The following SPARCL1 variants were observed in gnomAD, a reference collection of about 807,000 sequenced individuals.
SPARCL1 encodes SPARC like 1.
A neutral mutation model predicts 67.1 loss-of-function variants in SPARCL1; 52 were observed. That is an observed-to-expected ratio of 0.78 (90% CI 0.62 to 0.98). The LOEUF is 0.98. SPARCL1 is among the 50% of genes least tolerant of loss of function. The probability of loss-of-function intolerance (pLI) is 0.00; values close to 1 mark genes in which losing one functional copy is unlikely to be tolerated. For synonymous variants in SPARCL1, 226 were observed against 267.8 expected, an observed-to-expected ratio of 0.84 and a Z score of 1.52; for missense variants, 717 against 782.4, an observed-to-expected ratio of 0.92 and a Z score of 1.00.
chr4:87,485,788 T>C (rs1348261934), intron 7 of SPARCL1, among the ~76,000 whole-genome samples: 1 of 152,174 alleles, frequency 6.6e-6, no homozygotes, highest in African/African-American at 2.4e-5. Flanking sequence ...CCTGATTTAG[T>C]CTTGGGAGGG....
At chr4:87,485,368 G>T (rs576480460) in intron 7 of SPARCL1, among the ~76,000 whole-genome samples, 2 of 151,910 alleles carry the variant, frequency 1.3e-5, no homozygotes, top group Non-Finnish European at 2.9e-5. Flanking sequence ...TGGCTTACAC[G>T]CATTGATTTG....
At chr4:87,493,403 T>A (rs1724436149) in intron 4 of SPARCL1, among the ~76,000 whole-genome samples, 179 bp downstream of exon 4, 1 of 152,216 alleles carries the variant, frequency 6.6e-6, no homozygotes, top group East Asian at 1.9e-4. Context: ...GGAACTCAAA[T>A]AAAACAGGCA....
chr4:87,501,204 C>T (rs4693165), intron 1 of SPARCL1, among the ~76,000 whole-genome samples: 38,415 of 151,936 alleles, frequency 0.25, 5,710 homozygotes, highest in East Asian at 0.59. Flanking sequence ...TTCTTGCTTC[C>T]TTTGGACTGG....
intron 7 of SPARCL1, among the ~76,000 whole-genome samples, chr4:87,485,360 G>A (rs1724006210): frequency 6.6e-6 from 1 of 152,050 alleles, no homozygotes; most frequent in African/African-American, 2.4e-5. Flanking sequence ...TTATGTGATG[G>A]CTTACACGCA....
At chr4:87,492,136 G>GA (rs1189483860) in intron 4 of SPARCL1, among the ~76,000 whole-genome samples, 16 of 151,306 alleles carry the variant, frequency 1.1e-4, no homozygotes, top group Non-Finnish European at 1.9e-4. Context: ...AAACAAAACA[G>GA]AAAAAAAAGA....
At position 87,486,888 on chromosome 4, in the gene SPARCL1, C is replaced by CTTTTTTTTTTTTTTTTTTTTTTTTTTTT. The variant is rs57597004; in HGVS notation, c.1531+3357_1531+3384dup. Among the ~76,000 whole-genome samples, 9 of 28,000 alleles carry CTTTTTTTTTTTTTTTTTTTTTTTTTTTT rather than the reference C, an allele frequency of 3.2e-4. 1 individual carries two copies. Among genetic ancestry groups the CTTTTTTTTTTTTTTTTTTTTTTTTTTTT allele is most frequent in the Non-Finnish European group, 4.9e-4 (7 of 14,154 alleles). 18.4% of individuals were successfully genotyped at this position (28,000 alleles called of 152,430 possible). On this transcript the variant is annotated intron_variant, in intron 7 of 10. Transcript: ENST00000282470. Reference sequence around the variant, plus strand: ...TCTGAGGCTAGTATTGCAATTCCTGCTTTTTTTTTTTTTTTTTTTTTTTTT... The same window carrying CTTTTTTTTTTTTTTTTTTTTTTTTTTTT: ...TCTGAGGCTAGTATTGCAATTCCTGCTTTTTTTTTTTTTTTTTTTTTTTTTTTTTTTTTTTTTTTTTTTTTTTTTTTTT...
At position 87,486,888 on chromosome 4, in the gene SPARCL1, CTTTTTTTTTTTTTTTTTTTTTTTTTTTT is replaced by C. The variant is rs57597004; in HGVS notation, c.1531+3357_1531+3384del. On this transcript the variant is annotated intron_variant, in intron 7 of 10. Transcript: ENST00000282470. ...TCTGAGGCTAGTATTGCAATTCCTG[CTTTTTTTTTTTTTTTTTTTTTTTTTTTT>C]TTTTTTTTTTTTTGCTTTCCAATTC... Among the ~76,000 whole-genome samples the C allele has an allele frequency of 2.5e-4, 7 of 28,000 alleles. No homozygotes were observed. In the East Asian group the frequency reaches 4.5e-3, roughly 18 times the overall value. The allele number at this position is 28,000 out of a possible 152,430, so 18.4% of individuals were successfully genotyped here. A position where few individuals can be genotyped will look rare whatever the true frequency, so the allele number is the denominator to read the frequency against.
chr4:87,479,603 A>G (rs1723724717), intron 9 of SPARCL1, 25 bp from the exon 10 acceptor site: 1 of 1,610,342 alleles, frequency 6.2e-7, no homozygotes, highest in Non-Finnish European at 8.5e-7. Context: ...ATGGCATCCT[A>G]TTAATTGAGT....
chr4:87,512,164 C>T (rs1725391871), intron 1 of SPARCL1, among the ~76,000 whole-genome samples: 2 of 151,960 alleles, frequency 1.3e-5, no homozygotes, highest in African/African-American at 2.4e-5. Context: ...ATGGGGGTTT[C>T]ACCATGTTGG....
chr4:87,510,657 A>G (rs1725309261), intron 1 of SPARCL1, among the ~76,000 whole-genome samples: 1 of 152,048 alleles, frequency 6.6e-6, no homozygotes, highest in African/African-American at 2.4e-5. Context: ...AAAATTCTCC[A>G]CATTCGCCAT....
At chr4:87,497,297 A>G (rs773645389) in intron 2 of SPARCL1, 5 of 856,728 alleles carry the variant, frequency 5.8e-6, no homozygotes, top group East Asian at 1.2e-4. Flanking sequence ...AAGGGGGAAA[A>G]GGAGAAAGAA....
intron 7 of SPARCL1, among the ~76,000 whole-genome samples, chr4:87,489,541 C>G (rs1724222012): frequency 6.6e-6 from 1 of 152,216 alleles, no homozygotes; most frequent in Non-Finnish European, 1.5e-5. Flanking sequence ...GCCATCTTGC[C>G]AGCCACCAAT....
intron 1 of SPARCL1, among the ~76,000 whole-genome samples, chr4:87,526,785 T>C (rs1468491270): frequency 2.6e-5 from 4 of 152,224 alleles, no homozygotes; most frequent in Non-Finnish European, 5.9e-5. Context: ...GGAGTTTCAA[T>C]AGGGACATAT....
chr4:87,484,758 T>C (rs1723982535), intron 7 of SPARCL1, among the ~76,000 whole-genome samples: 1 of 152,206 alleles, frequency 6.6e-6, no homozygotes, highest in African/African-American at 2.4e-5. Flanking sequence ...TGGTTTGTAG[T>C]TCTCCTTGAA....
Position 87,493,806 on chromosome 4 carries a change from G to A in SPARCL1, c.994C>T (p.Pro332Ser). ...MEPTDDGNTT[P>S]RNHGVDDDGD... ...TCATCATCAACTCCATGATTTCTGGGCGTGGTATTACCATCATCAGTAGGT... is the reference window on the plus strand; with the variant it reads ...TCATCATCAACTCCATGATTTCTGGACGTGGTATTACCATCATCAGTAGGT... The change falls in exon 4 of 11, where the codon CCC becomes TCC. Residue 332 changes from proline (P) to serine (S), a missense_variant. By Grantham distance (74) the Pro-to-Ser change is moderately conservative. Transcript: ENST00000282470. 3 of 1,614,046 alleles carry A rather than the reference G, an allele frequency of 1.9e-6. No homozygotes were observed. The highest frequency in any genetic ancestry group is 2.5e-6 in the Non-Finnish European group (3 of 1,180,000).
At chr4:87,492,959 G>C (rs1433658808) in intron 4 of SPARCL1, among the ~76,000 whole-genome samples, 1 of 152,202 alleles carries the variant, frequency 6.6e-6, no homozygotes, top group Non-Finnish European at 1.5e-5. Flanking sequence ...TGTTATGTCA[G>C]AGACATTTTG....
At chr4:87,523,086 C>G (rs961752330) in intron 1 of SPARCL1, among the ~76,000 whole-genome samples, 1 of 152,034 alleles carries the variant, frequency 6.6e-6, no homozygotes, top group African/African-American at 2.4e-5. Context: ...ATGGCAAAAC[C>G]CTGTCTCTAC....
chr4:87,483,963 T>C (rs532533259), intron 7 of SPARCL1, among the ~76,000 whole-genome samples: 2 of 152,308 alleles, frequency 1.3e-5, no homozygotes, highest in African/African-American at 4.8e-5. Context: ...TATCTGTTCC[T>C]TGTAGATTCT....
chr4:87,515,222 A>G (rs564793605), intron 1 of SPARCL1, among the ~76,000 whole-genome samples: 2 of 152,328 alleles, frequency 1.3e-5, no homozygotes, highest in South Asian at 4.1e-4. Flanking sequence ...TAAGTTCCAG[A>G]CTTGAACTGC....
Sources: allele counts gnomAD v4.1 joint callset (sites outside exome capture counted in the v4.1 genomes callset), GRCh38; gene constraint gnomAD v4.1.1; transcripts MANE v1.5; gene names NCBI Gene and HGNC (gene_info 2026-07-23, HGNC 2026-07-21).